KNTC1: variants seen among roughly 807,000 people sequenced by gnomAD.
The protein encoded by KNTC1 is kinetochore-associated protein 1.
KNTC1 carries 253 observed loss-of-function variants against 314.4 expected under a neutral mutation model. The ratio of observed to expected loss-of-function variants is 0.80; its 90% CI spans 0.73 to 0.89. The LOEUF is 0.89. KNTC1 is among the 40% of genes least tolerant of loss of function. The probability of loss-of-function intolerance (pLI) is 0.00; values close to 1 mark genes in which losing one functional copy is unlikely to be tolerated. For synonymous variants in KNTC1, 901 were observed against 901.4 expected, an observed-to-expected ratio of 1.00 and a Z score of 0.01; for missense variants, 2,475 against 2,572.9, an observed-to-expected ratio of 0.96 and a Z score of 0.82.
intron 62 of KNTC1, among the ~76,000 whole-genome samples, chr12:122,623,945 G>A (rs1406818397): frequency 6.6e-6 from 1 of 152,150 alleles, no homozygotes; most frequent in East Asian, 1.9e-4. Context: ...GCGCATGCCT[G>A]TAATCCCAGC....
intron 55 of KNTC1, among the ~76,000 whole-genome samples, chr12:122,614,546 T>G (rs1224961648): frequency 6.6e-6 from 1 of 152,112 alleles, no homozygotes; most frequent in East Asian, 1.9e-4. Flanking sequence ...ATGTCTTTCA[T>G]TAGAAAGATG....
chr12:122,579,461 A>G (rs959506446), intron 31 of KNTC1, among the ~76,000 whole-genome samples: 1 of 152,008 alleles, frequency 6.6e-6, no homozygotes, highest in African/African-American at 2.4e-5. Flanking sequence ...TTTTACATAC[A>G]TCATGTCTTT....
chr12:122,552,660 GGCC>G (rs1160983395), intron 16 of KNTC1, among the ~76,000 whole-genome samples: 1 of 152,160 alleles, frequency 6.6e-6, no homozygotes, highest in Non-Finnish European at 1.5e-5. Context: ...CACCACTTGT[GGCC>G]AGGAGTGAGA....
chr12:122,602,363 C>T (rs1872038825), intron 45 of KNTC1: 1 of 416,266 alleles, frequency 2.4e-6, no homozygotes, highest in Non-Finnish European at 4.2e-6. Flanking sequence ...AGTGGTTTCT[C>T]CTCATAGGAT....
At chr12:122,546,809 CA>C in intron 10 of KNTC1, 135 bp downstream of exon 10, 1 of 457,150 alleles carries the variant, frequency 2.2e-6, no homozygotes. Context: ...GTATATGTAC[CA>C]AAAAGTTGAT....
chr12:122,557,349 T>C, intron 16 of KNTC1, 35 bp from the exon 17 acceptor site: 2 of 1,592,638 alleles, frequency 1.3e-6, no homozygotes, highest in African/African-American at 2.7e-5. Context: ...ATTATTGTAC[T>C]TCAAATTGCT....
At chr12:122,600,201 G>A (rs1035632750) in intron 44 of KNTC1, among the ~76,000 whole-genome samples, 1 of 152,082 alleles carries the variant, frequency 6.6e-6, no homozygotes, top group Non-Finnish European at 1.5e-5. Context: ...CTGGGTTCAA[G>A]CGATTCTCCT....
chr12:122,587,600 A>G (rs1869536278), intron 38 of KNTC1, 111 bp from the exon 39 acceptor site: 2 of 789,534 alleles, frequency 2.5e-6, no homozygotes, highest in Non-Finnish European at 3.8e-6. Context: ...AACAAACTCC[A>G]TGACTATTAT....
In KNTC1 at chr12:122,530,203, T is replaced by C. The variant is rs145697544; in HGVS notation, c.129+11T>C. 183 of 1,610,056 alleles carry C rather than the reference T, an allele frequency of 1.1e-4. No homozygotes were observed. In the African/African-American group the frequency reaches 1.8e-3, roughly 16 times the overall value. ...ATCTCTTCTGAAAAGGTAGTGATTA[T>C]TACACTGACTGTTTCATTCACAGAA... On this transcript the variant is annotated intron_variant, in intron 2 of 63. Transcript: ENST00000333479.
intron 26 of KNTC1, among the ~76,000 whole-genome samples, chr12:122,573,884 C>T (rs916487322): frequency 6.6e-6 from 1 of 152,160 alleles, no homozygotes; most frequent in African/African-American, 2.4e-5. Context: ...CAATTTCCAG[C>T]CTGAGTTTTC....
Position 122,573,020 on chromosome 12 carries a change from G to T in KNTC1, c.2103G>T (p.Lys701Asn). 1.2e-6 allele frequency: 2 copies of T among 1,611,460 alleles called. No homozygotes were observed. The highest frequency in any genetic ancestry group is 1.7e-6 in the Non-Finnish European group (2 of 1,178,530). The change falls in exon 25 of 64, where the codon AAG (lysine) becomes AAT (asparagine). Residue 701 changes from lysine (K) to asparagine (N), a missense_variant. Coordinates refer to ENST00000333479, the MANE Select transcript of KNTC1 (RefSeq NM_014708.6). ...NLRELITLHR[K>N]YNCKLALSDF... is the part of the protein sequence containing the mutation. ...GAGAGTTGATCACGTTGCATAGGAA[G>T]TACAACTGCAAATTAGCCCTCTCTG...
rs759345713 is a variant in KNTC1, at chr12:122,569,727, T to C, written c.1763T>C (p.Leu588Pro). The C allele has an allele frequency of 6.2e-7, 1 of 1,613,730 alleles. No homozygotes were observed. The highest frequency in any genetic ancestry group is 8.5e-7 in the Non-Finnish European group (1 of 1,179,718). Reference sequence around the variant, plus strand: ...GATGTGAAAATGCTGGAGAGCTTGCTCAACTCAATGTCTGCATCAGTCTCT... The same window carrying C: ...GATGTGAAAATGCTGGAGAGCTTGCCCAACTCAATGTCTGCATCAGTCTCT... The part of the protein sequence containing the change: ...RFDVKMLESL[L>P]NSMSASVSLQ... Residue 588 changes from leucine to proline, a missense_variant, in exon 22 of 64, where the codon CTC becomes CCC. Transcript: ENST00000333479.
Position 122,541,834 on chromosome 12 carries a change from C to T in KNTC1, c.446-216C>T, listed in dbSNP as rs534202518. ...AAGAGATCAAGACCATCCTGGCCAA[C>T]ATGGTGAAACCCTGTCTCTACTAAA... On this transcript the variant is annotated intron_variant, in intron 5 of 63. Coordinates refer to ENST00000333479, the MANE Select transcript of KNTC1 (RefSeq NM_014708.6). Among the ~76,000 whole-genome samples the T allele has an allele frequency of 1.1e-3, 167 of 151,356 alleles. 5 individuals carry two copies. The South Asian group carries it at 0.03, about 27-fold the overall frequency.
intron 38 of KNTC1, 52 bp from the exon 39 acceptor site, chr12:122,587,659 A>G: frequency 3.5e-6 from 5 of 1,436,572 alleles, no homozygotes; most frequent in Non-Finnish European, 9.5e-7. Flanking sequence ...CAATAATATG[A>G]TCTTTCTTTG....
chr12:122,573,238 A>G lies in KNTC1; in HGVS notation c.2236A>G (p.Arg746Gly). The change falls in exon 26 of 64, where the codon AGA (arginine) becomes GGA (glycine). Residue 746 changes from arginine (R) to glycine (G), a missense_variant. By Grantham distance (125) the Arg-to-Gly change is moderately radical (BLOSUM62 -2). Transcript: ENST00000333479. ...AGAGAAGTTTATAAGAGTTTACATG[A>G]GAGAACATGACTTGCAAGAGGAGGA... ...ILEKFIRVYM[R>G]EHDLQEEELL... is the part of the protein sequence containing the mutation. The G allele has an allele frequency of 6.2e-7, 1 of 1,613,848 alleles. No individual in the cohort carries two copies. The highest frequency in any genetic ancestry group is 8.5e-7 in the Non-Finnish European group (1 of 1,179,800).
At position 122,573,905 on chromosome 12, in the gene KNTC1, T is replaced by G. The variant is rs1384413510; in HGVS notation, c.2284-377T>G. On this transcript the variant is annotated intron_variant, in intron 26 of 63. Coordinates refer to ENST00000333479, the MANE Select transcript of KNTC1 (RefSeq NM_014708.6). ...CCAGCCTGAGTTTTCCTTAGTGATCTTGGGGGCCCAAGATATTTCCCTTTC... is the reference window on the plus strand; with the variant it reads ...CCAGCCTGAGTTTTCCTTAGTGATCGTGGGGGCCCAAGATATTTCCCTTTC... 2.6e-5 allele frequency among the ~76,000 whole-genome samples: 4 copies of G among 152,220 alleles called. No individual in the cohort carries two copies. The East Asian group carries it at 7.7e-4, about 29-fold the overall frequency.
chr12:122,533,741 G>GTTAGTT (rs1961569603), intron 2 of KNTC1, among the ~76,000 whole-genome samples: 1 of 150,404 alleles, frequency 6.6e-6, no homozygotes, highest in African/African-American at 2.5e-5. Flanking sequence ...AGAATGTTGG[G>GTTAGTT]GAATTTTCAA....
At chr12:122,541,349 CTT>C (rs1195872244) in intron 5 of KNTC1, among the ~76,000 whole-genome samples, 1 of 131,484 alleles carries the variant, frequency 7.6e-6, no homozygotes, top group African/African-American at 2.8e-5. Flanking sequence ...CTCTCCCTCT[CTT>C]TTTTTTTTTT....
chr12:122,613,957 G>C (rs1381564238), intron 55 of KNTC1, among the ~76,000 whole-genome samples, 196 bp downstream of exon 55: 1 of 152,080 alleles, frequency 6.6e-6, no homozygotes, highest in African/African-American at 2.4e-5. Context: ...AGCCTCCCAA[G>C]TAGCTGGGAT....
Sources: allele counts gnomAD v4.1 joint callset (sites outside exome capture counted in the v4.1 genomes callset), GRCh38; gene constraint gnomAD v4.1.1; transcripts MANE v1.5; gene names NCBI Gene and HGNC (gene_info 2026-07-23, HGNC 2026-07-21).